NF2: variants seen among roughly 807,000 people sequenced by gnomAD.
NF2 encodes the protein NF2, moesin-ezrin-radixin like (MERLIN) tumor suppressor.
NF2 carries 8 observed loss-of-function variants against 83.7 expected under a neutral mutation model. The ratio of observed to expected loss-of-function variants is 0.10; its 90% confidence interval spans 0.06 to 0.17. The LOEUF is 0.17. Among genes scored for constraint, NF2 ranks in the 10% least tolerant of loss-of-function variants. The pLI, the probability that NF2 is intolerant of heterozygous loss-of-function variation, is 1.00. For synonymous variants in NF2, 266 were observed against 269.6 expected, an observed-to-expected ratio of 0.99 and a Z score of 0.13; for missense variants, 533 against 744.4, an observed-to-expected ratio of 0.72 and a Z score of 3.31.
chr22:29,653,538 A>G (rs2066215014), intron 4 of NF2, among the ~76,000 whole-genome samples: 1 of 152,140 alleles, frequency 6.6e-6, no homozygotes, highest in South Asian at 2.1e-4. Context: ...TAATTATGAG[A>G]TTCAAAAGAA....
chr22:29,663,845 G>A (rs1216066266), intron 8 of NF2, among the ~76,000 whole-genome samples: 1 of 152,126 alleles, frequency 6.6e-6, no homozygotes, highest in Admixed American at 6.5e-5. Context: ...GATCTGTTTG[G>A]TCTTATCGGG....
At chr22:29,671,055 A>G (rs1318193255) in intron 10 of NF2, among the ~76,000 whole-genome samples, 11 of 152,184 alleles carry the variant, frequency 7.2e-5, no homozygotes, top group Admixed American at 3.9e-4. Context: ...AGAGGGGTCC[A>G]TGTGGATTAG....
chr22:29,650,989 A>G (rs780656489), intron 4 of NF2, among the ~76,000 whole-genome samples: 6 of 152,336 alleles, frequency 3.9e-5, no homozygotes, highest in South Asian at 2.1e-4. Context: ...GGACTGGTCA[A>G]TCTTTTTCTT....
In NF2 at chr22:29,603,746, G is replaced by A; in HGVS notation, c.-253G>A. On this transcript the variant is annotated 5_prime_UTR_variant, in exon 1 of 16. Transcript: ENST00000338641. ...CCCGAATCCCGGAGTGCCGGGTCGC[G>A]CCTGCACCGAAGGTCCCGGCTCCTG... 2.0e-6 allele frequency: 1 copy of A among 511,072 alleles called. No homozygotes were observed. Among genetic ancestry groups the A allele is most frequent in the Non-Finnish European group, 3.4e-6 (1 of 292,352 alleles). 31.7% of individuals were successfully genotyped at this position (511,072 alleles called of 1,614,324 possible). A position where few individuals can be genotyped will look rare whatever the true frequency, so the allele number is the denominator to read the frequency against.
At chr22:29,658,657 G>C (rs2066389247) in intron 7 of NF2, among the ~76,000 whole-genome samples, 1 of 114,848 alleles carries the variant, frequency 8.7e-6, no homozygotes, top group South Asian at 2.7e-4. Context: ...GGCACTAGTA[G>C]AGTAGATCTG....
In NF2 at chr22:29,657,950, C is replaced by A. The variant is rs9614025; in HGVS notation, c.600-239C>A. ...GGTGGGAAACTAAGGCCAAGAAACTCCGTGATGAGTCTGTTCTCTGACTAT... is the reference window on the plus strand; with the variant it reads ...GGTGGGAAACTAAGGCCAAGAAACTACGTGATGAGTCTGTTCTCTGACTAT... On this transcript the variant is annotated intron_variant, in intron 6 of 15. Transcript: ENST00000338641. Among the ~76,000 whole-genome samples the A allele has an allele frequency of 0.041, 6,223 of 152,248 alleles. 170 individuals carry two copies. Among genetic ancestry groups the A allele is most frequent in the Non-Finnish European group, 0.071 (4,799 of 68,012 alleles).
chr22:29,635,554 T>A (rs2065626713), intron 1 of NF2, among the ~76,000 whole-genome samples: 1 of 152,132 alleles, frequency 6.6e-6, no homozygotes, highest in Non-Finnish European at 1.5e-5. Flanking sequence ...GGTCTCGATC[T>A]CCTGACCTCA....
chr22:29,672,957 G>A (rs1267334771), intron 11 of NF2, among the ~76,000 whole-genome samples: 1 of 152,184 alleles, frequency 6.6e-6, no homozygotes, highest in African/African-American at 2.4e-5. Context: ...AAACTCCTCT[G>A]GTTCTAACCA....
At chr22:29,625,189 A>C (rs2065334298) in intron 1 of NF2, among the ~76,000 whole-genome samples, 1 of 152,070 alleles carries the variant, frequency 6.6e-6, no homozygotes. Flanking sequence ...GGCCTCCCAA[A>C]GTGTTGGGAT....
rs1209745811 is a variant in NF2, at chr22:29,683,626, G to A, written c.1737+2025G>A. 3 of 1,091,940 alleles carry A rather than the reference G, an allele frequency of 2.7e-6. No individual in the cohort carries two copies. The African/African-American group carries it at 4.9e-5, about 18-fold the overall frequency. The allele number at this position is 1,091,940 out of a possible 1,614,324, so 67.6% of individuals were successfully genotyped here. On this transcript the variant is annotated intron_variant, in intron 15 of 15. Coordinates refer to ENST00000338641, the MANE Select transcript of NF2 (RefSeq NM_000268.4). ...TTTCTTTTCAAATAAAGCAAACCCA[G>A]AGCACAGGGTCTGATATGTGAGTCC...
chr22:29,650,864 A>T lies in NF2; in HGVS notation c.448-3793A>T, dbSNP rs1158968777. 2.0e-5 allele frequency among the ~76,000 whole-genome samples: 3 copies of T among 152,294 alleles called. No homozygotes were observed. In the South Asian group the frequency reaches 6.2e-4, roughly 32 times the overall value. On this transcript the variant is annotated intron_variant, in intron 4 of 15. Coordinates refer to ENST00000338641, the MANE Select transcript of NF2 (RefSeq NM_000268.4). The stretch of plus-strand genomic sequence containing the variant: ...GTGATCCATCCGCCTCGGCCTCTCA[A>T]AGTGCTGGGATTACAGGCATGAGCC...
At chr22:29,631,798 C>A (rs1353282449) in intron 1 of NF2, among the ~76,000 whole-genome samples, 1 of 152,186 alleles carries the variant, frequency 6.6e-6, no homozygotes, top group Non-Finnish European at 1.5e-5. Context: ...ATCCTTAGAT[C>A]AATCTGCTAA....
chr22:29,628,956 AT>A (rs2065441087), intron 1 of NF2, among the ~76,000 whole-genome samples: 1 of 152,036 alleles, frequency 6.6e-6, no homozygotes, highest in Admixed American at 6.6e-5. Flanking sequence ...TCTTGCCCAG[AT>A]TTAAATGAAG....
Position 29,687,903 on chromosome 22 carries a change from C to T in NF2, c.1737+6302C>T, listed in dbSNP as rs932328560. On this transcript the variant is annotated intron_variant, in intron 15 of 15. Transcript: ENST00000338641. ...AGTGGCGATCTGAACTCTTCCTCTC[C>T]GCCTCCTGGCTCTGTGGAAGCCCAG... is the stretch of plus-strand genomic sequence containing the variant. 5.3e-5 allele frequency among the ~76,000 whole-genome samples: 8 copies of T among 152,330 alleles called. No homozygotes were observed. The South Asian group carries it at 8.3e-4, about 16-fold the overall frequency.
chr22:29,672,718 C>T (rs1282079925), intron 11 of NF2, among the ~76,000 whole-genome samples: 1 of 151,508 alleles, frequency 6.6e-6, no homozygotes, highest in Non-Finnish European at 1.5e-5. Context: ...TGGGTTCAAG[C>T]GATTCTCCTG....
chr22:29,613,496 A>T (rs1454330983), intron 1 of NF2, among the ~76,000 whole-genome samples: 4 of 152,122 alleles, frequency 2.6e-5, no homozygotes, highest in Non-Finnish European at 5.9e-5. Flanking sequence ...GTGCTATTGC[A>T]CTCCAGCCTG....
intron 1 of NF2, among the ~76,000 whole-genome samples, chr22:29,635,945 C>T (rs2065637131): frequency 6.6e-6 from 1 of 152,144 alleles, no homozygotes. Flanking sequence ...CACTAGGTGG[C>T]AACATTTACT....
At chr22:29,623,810 C>T (rs781761476) in intron 1 of NF2, among the ~76,000 whole-genome samples, 3 of 152,148 alleles carry the variant, frequency 2.0e-5, no homozygotes, top group Non-Finnish European at 2.9e-5. Flanking sequence ...AGAGCTCCAC[C>T]GTGTGACCTT....
In NF2 at chr22:29,639,104, T is replaced by C. The variant is rs375802248; in HGVS notation, c.255T>C (p.Asp85=). 28 of 1,614,114 alleles carry C rather than the reference T, an allele frequency of 1.7e-5. No individual in the cohort carries two copies. The Admixed American group carries it at 1.8e-4, about 11-fold the overall frequency. Residue 85 remains aspartate (D), a synonymous_variant, in exon 3 of 16, where the codon GAT becomes GAC. Coordinates refer to ENST00000338641, the MANE Select transcript of NF2 (RefSeq NM_000268.4). Reference sequence around the variant, plus strand: ...CAATTCTGCAGGTACTGGATCATGATGTTTCAAAGGAAGAACCAGTCACCT... The same window carrying C: ...CAATTCTGCAGGTACTGGATCATGACGTTTCAAAGGAAGAACCAGTCACCT... ...LKMDKKVLDH[D]VSKEEPVTFH... is the part of the protein sequence containing the mutation.
Sources: allele counts gnomAD v4.1 joint callset (sites outside exome capture counted in the v4.1 genomes callset), GRCh38; gene constraint gnomAD v4.1.1; transcripts MANE v1.5; gene names NCBI Gene and HGNC (gene_info 2026-07-23, HGNC 2026-07-21).